The following CASTOR2 variants were observed in gnomAD, a reference collection of about 807,000 sequenced individuals.
The protein encoded by CASTOR2 is cytosolic arginine sensor for mTORC1 subunit 2, also known as GATS protein like 2.
In CASTOR2, 8 loss-of-function variants were observed where a neutral mutation model predicts 31.2. The observed-to-expected ratio is 0.26, with a 90% CI of 0.15 to 0.46. CASTOR2 has a LOEUF of 0.46. Ranked by LOEUF, CASTOR2 falls within the 20% of genes least tolerant of loss-of-function variation. The pLI is 0.99. For synonymous variants in CASTOR2, 162 were observed against 158.7 expected (o/e 1.02, Z -0.16); for missense variants, 216 against 382.1 (o/e 0.57, Z 3.62).
rs1805230996 is a variant in CASTOR2 at position 75,029,299 on chromosome 7, C to T, written c.*4600C>T. On this transcript the variant is annotated 3_prime_UTR_variant, in exon 9 of 9. Coordinates refer to ENST00000616305, the MANE Select transcript of CASTOR2 (RefSeq NM_001145064.3). ...GGATGTGGTGACAACCAGGGCTTTT[C>T]CCAGCCCCAGCTAAGAGAGGGGGCT... is the stretch of plus-strand genomic sequence containing the variant. 1.3e-5 allele frequency among the ~76,000 whole-genome samples: 2 copies of T among 152,064 alleles called. No homozygotes were observed. The highest frequency in any genetic ancestry group is 2.9e-5 in the Non-Finnish European group (2 of 68,004).
At chr7:75,024,294 A>AGGGAT in intron 7 of CASTOR2, 146 bp from the exon 8 acceptor site, 1 of 873,064 alleles carries the variant, frequency 1.1e-6, no homozygotes, top group Non-Finnish European at 1.9e-6. Flanking sequence ...CATCTCAAAA[A>AGGGAT]AAATAAAAGG....
Position 75,026,192 on chromosome 7 carries a change from T to TTTTGTTTTTTTTTG in CASTOR2, c.*1496_*1497insGTTTTTTTTTGTTT, listed in dbSNP as rs1482653217. On this transcript the variant is annotated 3_prime_UTR_variant, in exon 9 of 9. Transcript: ENST00000616305. ...TGTGGTTTTGGCTCTGGCGGGGGTT[T>TTTTGTTTTTTTTTG]TTTTTTTTTTTTTTGAGATGGGAGT... 0.026 allele frequency among the ~76,000 whole-genome samples: 3,738 copies of TTTTGTTTTTTTTTG among 143,876 alleles called. 130 individuals are homozygous for TTTTGTTTTTTTTTG. Among genetic ancestry groups the TTTTGTTTTTTTTTG allele is most frequent in the African/African-American group, 0.043 (1,662 of 38,902 alleles). 94.4% of individuals were successfully genotyped at this position (143,876 alleles called of 152,430 possible).
rs1319177591 is a variant in CASTOR2 at position 75,026,083 on chromosome 7, G to A, written c.*1384G>A. On this transcript the variant is annotated 3_prime_UTR_variant, in exon 9 of 9. Transcript: ENST00000616305. ...GACAGCCAGGTGGCAGGCCAGCTGA[G>A]TGGTCATGTCCAGGAGGCATGGGGT... 6.6e-6 allele frequency among the ~76,000 whole-genome samples: 1 copy of A among 152,134 alleles called. No individual in the cohort carries two copies. The highest frequency in any genetic ancestry group is 1.5e-5 in the Non-Finnish European group (1 of 68,018).
At chr7:75,018,253 C>A (rs1804911663) in intron 4 of CASTOR2, 131 bp downstream of exon 4, 3 of 1,498,046 alleles carry the variant, frequency 2.0e-6, no homozygotes, top group Non-Finnish European at 2.7e-6. Flanking sequence ...GAACGGGATG[C>A]AAAGGGCCCA....
At chr7:75,013,259 T>C (rs1584474838) in intron 2 of CASTOR2, among the ~76,000 whole-genome samples, 1 of 152,304 alleles carries the variant, frequency 6.6e-6, no homozygotes, top group East Asian at 1.9e-4. Context: ...CTGGCCATGG[T>C]TCAGTGGATG....
At chr7:75,008,116 G>T in intron 2 of CASTOR2, 52 bp downstream of exon 2, 1 of 1,610,610 alleles carries the variant, frequency 6.2e-7, no homozygotes, top group South Asian at 1.1e-5. Context: ...CGAAGTCAGG[G>T]CTGGCTGCCC....
intron 2 of CASTOR2, among the ~76,000 whole-genome samples, chr7:75,010,457 G>A (rs1804713890): frequency 6.6e-6 from 1 of 152,100 alleles, no homozygotes; most frequent in African/African-American, 2.4e-5. Flanking sequence ...AGGGAACAAG[G>A]AGTGAAGTAG....
At chr7:74,993,559 T>G (rs1260190862) in intron 1 of CASTOR2, among the ~76,000 whole-genome samples, 1 of 150,970 alleles carries the variant, frequency 6.6e-6, no homozygotes, top group African/African-American at 2.4e-5. Flanking sequence ...CAAGTGATTC[T>G]CCTGCTTCAG....
chr7:75,023,957 T>C (rs999709811), intron 7 of CASTOR2, among the ~76,000 whole-genome samples: 1 of 152,074 alleles, frequency 6.6e-6, no homozygotes, highest in African/African-American at 2.4e-5. Context: ...AGAAGGCTCC[T>C]GGTTGGGGGA....
At chr7:74,985,650 A>G (rs1804045820) in intron 1 of CASTOR2, among the ~76,000 whole-genome samples, 1 of 149,090 alleles carries the variant, frequency 6.7e-6, no homozygotes, top group Non-Finnish European at 1.5e-5. Flanking sequence ...TGATCCTCTC[A>G]TCCCAGCTCT....
chr7:75,019,143 G>T lies in CASTOR2; in HGVS notation c.635+48G>T, dbSNP rs1453189710. On this transcript the variant is annotated intron_variant, in intron 5 of 8. Transcript: ENST00000616305. ...GGGTTGCAGGGTGGGCCAGGGAGAG[G>T]CATGGCTCCGCCTAGGAGTCTTAGT... The T allele has an allele frequency of 1.5e-5, 23 of 1,551,576 alleles. No individual in the cohort carries two copies. In the Admixed American group the frequency reaches 2.9e-4, roughly 20 times the overall value.
chr7:75,005,614 G>A lies in CASTOR2; in HGVS notation c.114-2380G>A, dbSNP rs1475201842. ...TGTATTTGCACCTAAGTCTTTGTGC[G>A]GGCACCTGTTCTCACTTCTCGCGGA... is the stretch of plus-strand genomic sequence containing the variant. On this transcript the variant is annotated intron_variant, in intron 1 of 8. Coordinates refer to ENST00000616305, the MANE Select transcript of CASTOR2 (RefSeq NM_001145064.3). Among the ~76,000 whole-genome samples, 5 of 152,252 alleles carry A rather than the reference G, an allele frequency of 3.3e-5. No homozygotes were observed. In the South Asian group the frequency reaches 6.2e-4, roughly 19 times the overall value.
chr7:75,015,176 C>G (rs1804838845), intron 2 of CASTOR2, among the ~76,000 whole-genome samples: 1 of 152,230 alleles, frequency 6.6e-6, no homozygotes, highest in African/African-American at 2.4e-5. Flanking sequence ...CTCAGGCCAT[C>G]TTGCCTGCCA....
intron 1 of CASTOR2, among the ~76,000 whole-genome samples, chr7:74,988,842 C>G (rs1314350832): frequency 6.8e-6 from 1 of 147,780 alleles, no homozygotes; most frequent in Non-Finnish European, 1.5e-5. Flanking sequence ...AGCCTGCGAT[C>G]TTCTGAGGCA....
rs997760241 is a variant in CASTOR2 at position 75,025,262 on chromosome 7, C to A, written c.*563C>A. 2.6e-5 allele frequency among the ~76,000 whole-genome samples: 4 copies of A among 152,194 alleles called. No individual in the cohort carries two copies. Among genetic ancestry groups the A allele is most frequent in the Non-Finnish European group, 5.9e-5 (4 of 68,026 alleles). ...GGGGCTGGTGAGGCTCAGACAGGAACCCAGGTGGGATCCCCGAGCTGGGAA... is the reference window on the plus strand; with the variant it reads ...GGGGCTGGTGAGGCTCAGACAGGAAACCAGGTGGGATCCCCGAGCTGGGAA... On this transcript the variant is annotated 3_prime_UTR_variant, in exon 9 of 9. Coordinates refer to ENST00000616305, the MANE Select transcript of CASTOR2 (RefSeq NM_001145064.3).
chr7:74,990,747 C>G (rs1301286770), intron 1 of CASTOR2, among the ~76,000 whole-genome samples: 1 of 151,844 alleles, frequency 6.6e-6, no homozygotes, highest in Non-Finnish European at 1.5e-5. Flanking sequence ...CCCAGCTACT[C>G]GGGAGGCTGA....
In CASTOR2 at chr7:75,008,071, G is replaced by T. The variant is rs1804643981; in HGVS notation, c.184+7G>T. Reference sequence around the variant, plus strand: ...GATGAGGAAGGATTCCTAGGTAAGTGCTTCTCTCCCTAGGGGCTCGGCTGG... The same window carrying T: ...GATGAGGAAGGATTCCTAGGTAAGTTCTTCTCTCCCTAGGGGCTCGGCTGG... On this transcript the variant is annotated splice_region_variant and intron_variant, in intron 2 of 8. Coordinates refer to ENST00000616305, the MANE Select transcript of CASTOR2 (RefSeq NM_001145064.3). 188 of 1,613,742 alleles carry T rather than the reference G, an allele frequency of 1.2e-4. 1 individual carries two copies. The South Asian group carries it at 2.1e-3, about 18-fold the overall frequency.
chr7:75,022,320 CAT>C (rs1805025351), intron 7 of CASTOR2, among the ~76,000 whole-genome samples: 1 of 152,082 alleles, frequency 6.6e-6, no homozygotes, highest in Non-Finnish European at 1.5e-5. Context: ...GCCTGGGAAA[CAT>C]AGCGAGGCCC....
At chr7:74,986,296 G>C (rs1307771768) in intron 1 of CASTOR2, among the ~76,000 whole-genome samples, 1 of 151,234 alleles carries the variant, frequency 6.6e-6, no homozygotes. Flanking sequence ...GACCAGCCTG[G>C]CCAAGATGGT....
Sources: gnomAD v4.1 joint callset for allele counts (sites outside exome capture counted in the v4.1 genomes callset) on GRCh38, gnomAD v4.1.1 for gene constraint, MANE v1.5 for transcripts, NCBI Gene and HGNC (gene_info 2026-07-23, HGNC 2026-07-21) for gene names.